Variants in CR2 observed in about 807,000 individuals in gnomAD.
CR2 encodes the protein complement C3d receptor 2, also known as complement receptor type 2.
A neutral mutation model predicts 123.0 loss-of-function variants in CR2; 96 were observed. The observed-to-expected ratio is 0.78, with a 90% CI of 0.66 to 0.93. The LOEUF (loss-of-function observed/expected upper bound fraction) is 0.93, where lower values mean the gene tolerates loss of function less well. Among genes scored for constraint, CR2 ranks in the 40% least tolerant of loss-of-function variants. The probability of loss-of-function intolerance (pLI) is 0.00; values close to 1 mark genes in which losing one functional copy is unlikely to be tolerated. For synonymous variants in CR2, 484 were observed against 469.5 expected, an observed-to-expected ratio of 1.03 and a Z score of -0.40; for missense variants, 1,258 against 1,361.0, an observed-to-expected ratio of 0.92 and a Z score of 1.19.
chr1:207,469,704 G>T lies in CR2; in HGVS notation c.827G>T (p.Cys276Phe). ...TCTGCAATTCCCCTAGAAATTTTTT[G>T]CCCATCACCTCCCCCTATTCTCAAT... Reference protein sequence around the residue: ...TKMPVCEEIFCPSPPPILNGR... With the variant: ...TKMPVCEEIFFPSPPPILNGR... The change falls in exon 6 of 20, where the codon TGC becomes TTC. Residue 276 changes from cysteine to phenylalanine, a missense_variant. By Grantham distance (205) the Cys-to-Phe change is radical. Transcript: ENST00000367057. 1 of 1,613,416 alleles carries T rather than the reference G, an allele frequency of 6.2e-7. No individual in the cohort carries two copies. Among genetic ancestry groups the T allele is most frequent in the Non-Finnish European group, 8.5e-7 (1 of 1,179,664 alleles).
rs776274396 is a variant in CR2, at chr1:207,479,300, T to C, written c.3112+20T>C. 6.4e-7 allele frequency: 1 copy of C among 1,564,848 alleles called. No homozygotes were observed. The highest frequency in any genetic ancestry group is 1.4e-5 in the African/African-American group (1 of 74,070). On this transcript the variant is annotated intron_variant, in intron 17 of 19. Coordinates refer to ENST00000367057, the MANE Select transcript of CR2 (RefSeq NM_001006658.3). ...TTTGTGGTAAGTCTTCTTAAATACT[T>C]GAAGAAAAGCTCTTATAATATTTTT...
At chr1:207,484,455 T>G (rs1658695234) in intron 18 of CR2, among the ~76,000 whole-genome samples, 1 of 152,230 alleles carries the variant, frequency 6.6e-6, no homozygotes, top group South Asian at 2.1e-4. Flanking sequence ...AGTGACAATA[T>G]TAAATATTTT....
At chr1:207,479,917 A>G (rs986814200) in intron 17 of CR2, 61 bp from the exon 18 acceptor site, 4 of 1,243,252 alleles carry the variant, frequency 3.2e-6, no homozygotes, top group Non-Finnish European at 1.2e-6. Flanking sequence ...CCCTGCAATC[A>G]GTCAGAACAA....
chr1:207,468,401 T>C, intron 2 of CR2, 126 bp from the exon 3 acceptor site: 1 of 878,874 alleles, frequency 1.1e-6, no homozygotes, highest in South Asian at 1.4e-5. Context: ...ATATTATGTG[T>C]GGCCCAAGAC....
At chr1:207,478,665 G>A (rs1236822022) in intron 16 of CR2, among the ~76,000 whole-genome samples, 1 of 151,868 alleles carries the variant, frequency 6.6e-6, no homozygotes, top group East Asian at 1.9e-4. Context: ...GAACAAAAAT[G>A]TGAAACAAGC....
intron 1 of CR2, among the ~76,000 whole-genome samples, chr1:207,465,930 A>G (rs1029474692): frequency 5.9e-5 from 9 of 152,240 alleles, no homozygotes; most frequent in African/African-American, 2.2e-4. Flanking sequence ...AAAAGTGGTC[A>G]TCTCAGCCTG....
At chr1:207,457,813 T>A (rs12140602) in intron 1 of CR2, among the ~76,000 whole-genome samples, 24,394 of 152,038 alleles carry the variant, frequency 0.16, 2,065 homozygotes, top group Middle Eastern at 0.26. Flanking sequence ...TATTAGAGGG[T>A]CTTGGGGCTC....
rs756884222 is a variant in CR2 at position 207,468,774 on chromosome 1, T to C, written c.635-26T>C. 7.4e-6 allele frequency: 12 copies of C among 1,613,920 alleles called. No homozygotes were observed. The East Asian group carries it at 2.7e-4, about 36-fold the overall frequency. ...GGGCTGTTCTGTTATTTGCCATGCA[T>C]TTCTCATCTTTGGTTTGTTTTTTAG... On this transcript the variant is annotated intron_variant, in intron 3 of 19. Coordinates refer to ENST00000367057, the MANE Select transcript of CR2 (RefSeq NM_001006658.3).
In CR2 at chr1:207,466,644, A is replaced by G; in HGVS notation, c.177A>G (p.Gly59=). Residue 59 remains glycine (G), a synonymous_variant, in exon 2 of 20, where the codon GGA becomes GGG. Transcript: ENST00000367057. ...YSCSGTFRLI[G]EKSLLCITKD... is the part of the protein sequence containing the mutation. ...GTTCAGGTACCTTCCGCCTCATTGG[A>G]GAAAAAAGTCTATTATGCATAACTA... 1.2e-6 allele frequency: 2 copies of G among 1,614,090 alleles called. No individual in the cohort carries two copies. Among genetic ancestry groups the G allele is most frequent in the Non-Finnish European group, 1.7e-6 (2 of 1,179,982 alleles).
intron 16 of CR2, 33 bp downstream of exon 16, chr1:207,478,103 C>G (rs1432456021): frequency 6.2e-7 from 1 of 1,603,078 alleles, no homozygotes; most frequent in African/African-American, 1.3e-5. Flanking sequence ...CCGCTTGTAA[C>G]TGGCTAACGG....
In CR2 at chr1:207,468,788, T is replaced by C; in HGVS notation, c.635-12T>C. The C allele has an allele frequency of 6.2e-7, 1 of 1,614,028 alleles. No individual in the cohort carries two copies. Among genetic ancestry groups the C allele is most frequent in the Non-Finnish European group, 8.5e-7 (1 of 1,179,926 alleles). ...TTTGCCATGCATTTCTCATCTTTGG[T>C]TTGTTTTTTAGAGGCACGCTGTAAA... is the stretch of plus-strand genomic sequence containing the variant. On this transcript the variant is annotated splice_polypyrimidine_tract_variant and intron_variant, in intron 3 of 19. Transcript: ENST00000367057.
intron 15 of CR2, among the ~76,000 whole-genome samples, chr1:207,476,661 T>C (rs1658452329): frequency 6.6e-6 from 1 of 152,242 alleles, no homozygotes; most frequent in Non-Finnish European, 1.5e-5. Flanking sequence ...GTTGGAGTTA[T>C]GTCTGTAAAT....
In CR2 at chr1:207,470,638, G is replaced by A. The variant is rs17045132; in HGVS notation, c.1226-102G>A. On this transcript the variant is annotated intron_variant, in intron 6 of 19. Transcript: ENST00000367057. ...ATATGTTCTGTATCATACAGCTGAC[G>A]CCAGAGTGGAATTATAGCATGAATA... 2.6e-3 allele frequency: 2,945 copies of A among 1,134,084 alleles called. 38 individuals are homozygous for A. In the African/African-American group the frequency reaches 0.026, roughly 10 times the overall value. 70.3% of individuals were successfully genotyped at this position (1,134,084 alleles called of 1,614,324 possible).
chr1:207,457,588 C>T (rs1381292214), intron 1 of CR2, among the ~76,000 whole-genome samples: 1 of 152,230 alleles, frequency 6.6e-6, no homozygotes, highest in African/African-American at 2.4e-5. Context: ...CCCACAGTCT[C>T]CTGAAGCTGT....
chr1:207,468,470 A>G (rs1658165627), intron 2 of CR2, 57 bp from the exon 3 acceptor site: 2 of 1,570,412 alleles, frequency 1.3e-6, no homozygotes, highest in African/African-American at 1.4e-5. Flanking sequence ...CCTTGATTCT[A>G]GATTGTGAAG....
Position 207,479,987 on chromosome 1 carries a change from C to A in CR2, c.3122C>A (p.Ala1041Glu). 6.2e-7 allele frequency: 1 copy of A among 1,612,374 alleles called. No individual in the cohort carries two copies. The highest frequency in any genetic ancestry group is 1.1e-5 in the South Asian group (1 of 91,044). The change falls in exon 18 of 20, where the codon GCA becomes GAA. Residue 1041 changes from alanine to glutamate, a missense_variant. Transcript: ENST00000367057. ...SLAPVLCGIA[A>E]GLILLTFLIV... ...TGGATTTTTCTTCTAGGTATTGCTGCAGGTTTGATACTTCTTACCTTCTTG... is the reference window on the plus strand; with the variant it reads ...TGGATTTTTCTTCTAGGTATTGCTGAAGGTTTGATACTTCTTACCTTCTTG...
At position 207,466,855 on chromosome 1, in the gene CR2, G is replaced by A; in HGVS notation, c.388G>A (p.Val130Ile). 1 of 1,611,146 alleles carries A rather than the reference G, an allele frequency of 6.2e-7. No individual in the cohort carries two copies. Among genetic ancestry groups the A allele is most frequent in the Non-Finnish European group, 8.5e-7 (1 of 1,178,708 alleles). Residue 130 changes from valine (V) to isoleucine (I), a missense_variant, in exon 2 of 20, where the codon GTT becomes ATT. Coordinates refer to ENST00000367057, the MANE Select transcript of CR2 (RefSeq NM_001006658.3). ...TNFSMNGNKSVWCQANNMWGP... is the reference protein window; with the variant it reads ...TNFSMNGNKSIWCQANNMWGP... ...CTTCTCCATGAACGGAAACAAGTCT[G>A]TTTGGTGTCAAGCAAATAATATGTG...
At chr1:207,466,385 A>C in intron 1 of CR2, 141 bp from the exon 2 acceptor site, 1 of 948,020 alleles carries the variant, frequency 1.1e-6, no homozygotes, top group Non-Finnish European at 1.6e-6. Flanking sequence ...TTTGGGAGTA[A>C]GCAGGGAATA....
At chr1:207,479,854 C>A in intron 17 of CR2, 124 bp from the exon 18 acceptor site, 1 of 742,388 alleles carries the variant, frequency 1.3e-6, no homozygotes, top group South Asian at 1.5e-5. Context: ...CATTTATGTC[C>A]AAGAAGAGTT....
Sources: allele counts gnomAD v4.1 joint callset (sites outside exome capture counted in the v4.1 genomes callset), GRCh38; gene constraint gnomAD v4.1.1; transcripts MANE v1.5; gene names NCBI Gene and HGNC (gene_info 2026-07-23, HGNC 2026-07-21).